The following RDH16 variants were observed in gnomAD, a reference collection of about 807,000 sequenced individuals.
RDH16 encodes retinol dehydrogenase 16, also known as human epidermal retinol dehydrogenase.
A neutral mutation model predicts 22.3 loss-of-function variants in RDH16; 25 were observed. That is an observed-to-expected ratio of 1.12 (90% CI 0.82 to 1.56). The LOEUF (loss-of-function observed/expected upper bound fraction) is 1.56. Among genes scored for constraint, RDH16 ranks in the 40% most tolerant of loss-of-function variants. RDH16 has a pLI of 0.00. For missense variants in RDH16, 413 were observed against 394.9 expected, an observed-to-expected ratio of 1.05 and a Z score of -0.39; for synonymous variants, 154 against 164.4, an observed-to-expected ratio of 0.94 and a Z score of 0.48.
chr12:56,957,436 C>G lies in RDH16; in HGVS notation c.27G>C (p.Val9=). The G allele has an allele frequency of 1.2e-6, 2 of 1,612,938 alleles. No individual in the cohort carries two copies. The highest frequency in any genetic ancestry group is 1.3e-5 in the African/African-American group (1 of 74,982). The change falls in exon 1 of 4, where the codon GTG becomes GTC. Residue 9 remains valine (V), a synonymous_variant. Coordinates refer to ENST00000398138, the MANE Select transcript of RDH16 (RefSeq NM_003708.5). MWLYLAVF[V]GLYYLLHWYR... ...ACCAGTGCAGAAGGTAGTACAGGCC[C>G]ACGAAAACCGCCAGGTAGAGCCACA...
chr12:56,953,167 G>T (rs1282513467), intron 2 of RDH16, among the ~76,000 whole-genome samples, 177 bp from the exon 3 acceptor site: 5 of 152,166 alleles, frequency 3.3e-5, no homozygotes, highest in Admixed American at 6.5e-5. Context: ...CATTCCCTCT[G>T]TATGGAGTTT....
intron 1 of RDH16, among the ~76,000 whole-genome samples, chr12:56,955,812 G>A (rs1167413656): frequency 6.6e-6 from 1 of 152,120 alleles, no homozygotes; most frequent in Admixed American, 6.5e-5. Context: ...AAGCAAGGTT[G>A]CGTCACCCCA....
rs1955893962 is a variant in RDH16, at chr12:56,952,807, A to G, written c.736+20T>C. ...CACACGAGGGTTTGCTTCTCTCCCC[A>G]CTGTCCACAGCTTACTCACAGTCTG... On this transcript the variant is annotated intron_variant, in intron 3 of 3. Coordinates refer to ENST00000398138, the MANE Select transcript of RDH16 (RefSeq NM_003708.5). The G allele has an allele frequency of 5.0e-6, 8 of 1,605,184 alleles. No individual in the cohort carries two copies. Among genetic ancestry groups the G allele is most frequent in the Non-Finnish European group, 6.8e-6 (8 of 1,175,694 alleles).
chr12:56,955,839 C>T (rs1188689078), intron 1 of RDH16, among the ~76,000 whole-genome samples: 1 of 152,114 alleles, frequency 6.6e-6, no homozygotes, highest in Admixed American at 6.5e-5. Flanking sequence ...ACACAGACTC[C>T]ACCCTCTGCC....
chr12:56,954,349 T>C (rs900977565), intron 2 of RDH16, among the ~76,000 whole-genome samples: 1 of 152,182 alleles, frequency 6.6e-6, no homozygotes, highest in African/African-American at 2.4e-5. Flanking sequence ...CAGTGTCAGC[T>C]GCTGGGAGAG....
At chr12:56,952,395 C>A in intron 3 of RDH16, 149 bp from the exon 4 acceptor site, 1 of 738,898 alleles carries the variant, frequency 1.4e-6, no homozygotes, top group East Asian at 2.7e-5. Flanking sequence ...TCCAAATTCC[C>A]TGAGCTGGAG....
intron 2 of RDH16, among the ~76,000 whole-genome samples, chr12:56,953,621 G>A (rs1052658229): frequency 6.6e-6 from 1 of 152,180 alleles, no homozygotes; most frequent in African/African-American, 2.4e-5. Context: ...GCTTGGCCTT[G>A]ACCTTCACCA....
chr12:56,952,133 C>T lies in RDH16; in HGVS notation c.850G>A (p.Gly284Ser), dbSNP rs1359678114. ...AGGTAGAGAAGCTTGGCATCCCAGC[C>T]AGCTGAGTAGCGAGTACGGGGGTGG... ...ACHPRTRYSA[G>S]WDAKLLYLPM... The change falls in exon 4 of 4, where the codon GGC becomes AGC. Residue 284 changes from glycine (G) to serine (S), a missense_variant. Transcript: ENST00000398138. 6.2e-7 allele frequency: 1 copy of T among 1,614,048 alleles called. No individual in the cohort carries two copies. The highest frequency in any genetic ancestry group is 2.2e-5 in the East Asian group (1 of 44,896).
chr12:56,953,157 C>T (rs1228608707), intron 2 of RDH16, among the ~76,000 whole-genome samples, 167 bp from the exon 3 acceptor site: 7 of 152,178 alleles, frequency 4.6e-5, no homozygotes, highest in Admixed American at 4.6e-4. Context: ...ATCATGGTGG[C>T]ATTCCCTCTG....
intron 2 of RDH16, 31 bp from the exon 3 acceptor site, chr12:56,953,021 T>A (rs901068): frequency 6.3e-7 from 1 of 1,577,334 alleles, no homozygotes; most frequent in Admixed American, 1.9e-5. Flanking sequence ...GGGGAAAAAC[T>A]TCGGGGGTCT....
intron 3 of RDH16, 145 bp from the exon 4 acceptor site, chr12:56,952,391 T>C: frequency 1.3e-6 from 1 of 743,614 alleles, no homozygotes; most frequent in Non-Finnish European, 2.2e-6. Context: ...TTTATCCAAA[T>C]TCCCTGAGCT....
intron 2 of RDH16, 115 bp downstream of exon 2, chr12:56,954,791 A>C: frequency 1.8e-6 from 2 of 1,101,542 alleles, no homozygotes; most frequent in Non-Finnish European, 2.6e-6. Flanking sequence ...ATGAAGACAG[A>C]GAGTGATCTC....
chr12:56,957,364 G>T lies in RDH16; in HGVS notation c.99C>A (p.Phe33Leu). Residue 33 changes from phenylalanine (F) to leucine (L), a missense_variant, in exon 1 of 4, where the codon TTC becomes TTA. Phe to Leu is a conservative substitution (Grantham distance 22, BLOSUM62 0). Coordinates refer to ENST00000398138, the MANE Select transcript of RDH16 (RefSeq NM_003708.5). ...VLSHLRDKYVFITGCDSGFGK... is the reference protein window; with the variant it reads ...VLSHLRDKYVLITGCDSGFGK... Reference sequence around the variant, plus strand: ...CGAAGCCAGAGTCACAGCCCGTGATGAACACATACTTATCTCTCAGGTGGC... The same window carrying T: ...CGAAGCCAGAGTCACAGCCCGTGATTAACACATACTTATCTCTCAGGTGGC... The T allele has an allele frequency of 5.6e-6, 9 of 1,614,192 alleles. 1 individual carries two copies. The highest frequency in any genetic ancestry group is 7.6e-6 in the Non-Finnish European group (9 of 1,180,040).
At position 56,957,282 on chromosome 12, in the gene RDH16, G is replaced by A; in HGVS notation, c.181C>T (p.Leu61=). Residue 61 remains leucine, a synonymous_variant, in exon 1 of 4, where the codon CTG becomes TTG. Coordinates refer to ENST00000398138, the MANE Select transcript of RDH16 (RefSeq NM_003708.5). ...ARGLRVLAAC[L]TEKGAEQLRG... is the part of the protein sequence containing the mutation. ...AGCTGCTCGGCTCCTTTCTCCGTCA[G>A]ACATGCAGCCAGCACCCGCAAGCCT... The A allele has an allele frequency of 3.7e-6, 6 of 1,614,182 alleles. No homozygotes were observed. The highest frequency in any genetic ancestry group is 4.2e-6 in the Non-Finnish European group (5 of 1,180,048).
rs752142823 is a variant in RDH16 at position 56,954,938 on chromosome 12, C to A, written c.540G>T (p.Lys180Asn). The change falls in exon 2 of 4, where the codon AAG becomes AAT. Residue 180 changes from lysine to asparagine, a missense_variant. Lys to Asn is a moderately conservative substitution (Grantham distance 94). Coordinates refer to ENST00000398138, the MANE Select transcript of RDH16 (RefSeq NM_003708.5). ...AGTCAGAGAAGGCTTCCACGCCATA[C>A]TTGGAGATGCAGTAGCCTCCACCAA... is the stretch of plus-strand genomic sequence containing the variant. ...SLFGGGYCIS[K>N]YGVEAFSDSL... The A allele has an allele frequency of 3.0e-5, 48 of 1,614,080 alleles. No homozygotes were observed. The highest frequency in any genetic ancestry group is 3.9e-5 in the Non-Finnish European group (46 of 1,180,042).
chr12:56,957,164 C>T lies in RDH16; in HGVS notation c.299G>A (p.Cys100Tyr), dbSNP rs200954284. 88 of 1,609,970 alleles carry T rather than the reference C, an allele frequency of 5.5e-5. No homozygotes were observed. Among genetic ancestry groups the T allele is most frequent in the Non-Finnish European group, 7.2e-5 (85 of 1,176,846 alleles). Reference protein sequence around the residue: ...VAAAAQWVKECVRDKGLWGLV... With the variant: ...VAAAAQWVKEYVRDKGLWGLV... ...TGGGTGGTTACCTTTGTCTCTCACG[C>T]ACTCCTTCACCCACTGGGCGGCTGC... The change falls in exon 1 of 4, where the codon TGC becomes TAC. Residue 100 changes from cysteine to tyrosine, a missense_variant. Transcript: ENST00000398138.
chr12:56,954,927 T>G lies in RDH16; in HGVS notation c.551A>C (p.Glu184Ala). 1.9e-6 allele frequency: 3 copies of G among 1,614,090 alleles called. No homozygotes were observed. Among genetic ancestry groups the G allele is most frequent in the Non-Finnish European group, 2.5e-6 (3 of 1,179,998 alleles). The change falls in exon 2 of 4, where the codon GAA becomes GCA. Residue 184 changes from glutamate (E) to alanine (A), a missense_variant. Coordinates refer to ENST00000398138, the MANE Select transcript of RDH16 (RefSeq NM_003708.5). ...GGYCISKYGV[E>A]AFSDSLRREL... ...ATACCTGAGGGAGTCAGAGAAGGCT[T>G]CCACGCCATACTTGGAGATGCAGTA...
chr12:56,952,949 T>C lies in RDH16; in HGVS notation c.614A>G (p.Glu205Gly). ...CACAGCAGTCTTGAAATAGCCAGGT[T>C]CAATCATAGCCACCTTCACCCCAAA... is the stretch of plus-strand genomic sequence containing the variant. ...SYFGVKVAMI[E>G]PGYFKTAVTS... The change falls in exon 3 of 4, where the codon GAA (glutamate) becomes GGA (glycine). Residue 205 changes from glutamate (E) to glycine (G), a missense_variant. Coordinates refer to ENST00000398138, the MANE Select transcript of RDH16 (RefSeq NM_003708.5). The C allele has an allele frequency of 1.2e-6, 2 of 1,613,884 alleles. No individual in the cohort carries two copies. The highest frequency in any genetic ancestry group is 8.5e-7 in the Non-Finnish European group (1 of 1,179,918).
intron 1 of RDH16, among the ~76,000 whole-genome samples, chr12:56,956,548 T>A (rs1274548742): frequency 6.6e-6 from 1 of 152,236 alleles, no homozygotes; most frequent in African/African-American, 2.4e-5. Flanking sequence ...ATAAAATAAA[T>A]CCATGTTTCT....
Sources: allele counts gnomAD v4.1 joint callset (sites outside exome capture counted in the v4.1 genomes callset), GRCh38; gene constraint gnomAD v4.1.1; transcripts MANE v1.5; gene names NCBI Gene and HGNC (gene_info 2026-07-23, HGNC 2026-07-21).